Variants in PTBP3 observed in about 807,000 individuals in gnomAD.
The protein encoded by PTBP3 is polypyrimidine tract-binding protein 3.
A neutral mutation model predicts 58.7 loss-of-function variants in PTBP3; 20 were observed. That is an observed-to-expected ratio of 0.34 (90% CI 0.24 to 0.50). The LOEUF (loss-of-function observed/expected upper bound fraction) is 0.50, where lower values mean the gene tolerates loss of function less well. PTBP3 is among the 20% of genes least tolerant of loss of function. The pLI is 0.98. For missense variants in PTBP3, 509 were observed against 637.2 expected, an observed-to-expected ratio of 0.80 and a Z score of 2.17; for synonymous variants, 185 against 219.8, an observed-to-expected ratio of 0.84 and a Z score of 1.40.
rs377489588 is a variant in PTBP3, at chr9:112,221,713, T to C, written c.*2138A>G. 2 of 985,084 alleles carry C rather than the reference T, an allele frequency of 2.0e-6. No homozygotes were observed. The highest frequency in any genetic ancestry group is 1.7e-5 in the African/African-American group (1 of 57,236). The allele number at this position is 985,084 out of a possible 1,614,324, so 61.0% of individuals were successfully genotyped here. A position where few individuals can be genotyped will look rare whatever the true frequency, so the allele number is the denominator to read the frequency against. Reference sequence around the variant, plus strand: ...TATCTATTCAGCCAAACTGATCCATTTGAAAAGTCTTAACTTAGTATCCCT... The same window carrying C: ...TATCTATTCAGCCAAACTGATCCATCTGAAAAGTCTTAACTTAGTATCCCT... On this transcript the variant is annotated 3_prime_UTR_variant, in exon 14 of 14. Coordinates refer to ENST00000374257, the MANE Select transcript of PTBP3 (RefSeq NM_001163788.4).
Position 112,220,590 on chromosome 9 carries a change from T to C in PTBP3, c.*3261A>G. Reference sequence around the variant, plus strand: ...CAGAAACATTACTTCAAATAATTGATTTCAATATTTAGTCTTAAAGAATTT... The same window carrying C: ...CAGAAACATTACTTCAAATAATTGACTTCAATATTTAGTCTTAAAGAATTT... On this transcript the variant is annotated 3_prime_UTR_variant, in exon 14 of 14. Coordinates refer to ENST00000374257, the MANE Select transcript of PTBP3 (RefSeq NM_001163788.4). 3 of 1,003,332 alleles carry C rather than the reference T, an allele frequency of 3.0e-6. No homozygotes were observed. Among genetic ancestry groups the C allele is most frequent in the Non-Finnish European group, 3.6e-6 (3 of 840,380 alleles). 62.2% of individuals were successfully genotyped at this position (1,003,332 alleles called of 1,614,324 possible).
At chr9:112,331,693 G>A (rs1203417421) in intron 1 of PTBP3, among the ~76,000 whole-genome samples, 1 of 152,168 alleles carries the variant, frequency 6.6e-6, no homozygotes, top group African/African-American at 2.4e-5. Flanking sequence ...ACTTCCAAAT[G>A]AACTTACCTT....
Position 112,287,681 on chromosome 9 carries a change from T to A in PTBP3, c.34+10151A>T, listed in dbSNP as rs62571998. ...CTGTGTGCTTCAGTTTCTTTTGCTA[T>A]CTTCAAATTCACTGATGTTTTCTTT... On this transcript the variant is annotated intron_variant, in intron 2 of 13. Transcript: ENST00000374257. Among the ~76,000 whole-genome samples the A allele has an allele frequency of 8.0e-3, 1,222 of 152,304 alleles. 7 individuals carry two copies. The highest frequency in any genetic ancestry group is 0.013 in the Non-Finnish European group (912 of 68,032).
intron 1 of PTBP3, 106 bp downstream of exon 1, chr9:112,333,364 C>A (rs1830464108): frequency 6.3e-6 from 8 of 1,277,450 alleles, no homozygotes; most frequent in Non-Finnish European, 7.1e-6. Context: ...CTCCTCCGGC[C>A]GCCGGCGCCG....
At chr9:112,300,376 T>C (rs976713824) in intron 1 of PTBP3, among the ~76,000 whole-genome samples, 1 of 152,240 alleles carries the variant, frequency 6.6e-6, no homozygotes, top group African/African-American at 2.4e-5. Flanking sequence ...ACTGAGTAAA[T>C]GTTTGTAAAT....
At chr9:112,333,996 G>C (rs528592310), upstream of PTBP3, among the ~76,000 whole-genome samples, 2 of 151,266 alleles carry the variant, frequency 1.3e-5, no homozygotes, top group Non-Finnish European at 3.0e-5. Context: ...TGCCAGGTTT[G>C]AATGCCTCCC....
At chr9:112,239,809 G>A (rs1345587327) in intron 7 of PTBP3, among the ~76,000 whole-genome samples, 6 of 84,740 alleles carry the variant, frequency 7.1e-5, no homozygotes, top group Non-Finnish European at 1.3e-4. Context: ...AGAAAAGGAA[G>A]GAAGGAAGGG....
chr9:112,251,910 C>T (rs1362668594), intron 6 of PTBP3, among the ~76,000 whole-genome samples: 1 of 151,998 alleles, frequency 6.6e-6, no homozygotes, highest in South Asian at 2.1e-4. Flanking sequence ...AGGCTATACT[C>T]CCAATTGAGT....
chr9:112,334,466 A>G (rs1830524716), upstream of PTBP3, among the ~76,000 whole-genome samples: 2 of 152,292 alleles, frequency 1.3e-5, no homozygotes, highest in East Asian at 1.9e-4. Flanking sequence ...TGGTCTGAGC[A>G]AAAAGTATAT....
chr9:112,311,615 T>G (rs1254350381), intron 1 of PTBP3, among the ~76,000 whole-genome samples: 3 of 151,948 alleles, frequency 2.0e-5, no homozygotes, highest in Non-Finnish European at 4.4e-5. Flanking sequence ...ATGCATGGAT[T>G]TTGGCCCCCC....
chr9:112,221,214 T>C lies in PTBP3; in HGVS notation c.*2637A>G, dbSNP rs1331901795. 4 of 984,960 alleles carry C rather than the reference T, an allele frequency of 4.1e-6. No homozygotes were observed. Among genetic ancestry groups the C allele is most frequent in the Non-Finnish European group, 4.8e-6 (4 of 829,228 alleles). 61.0% of individuals were successfully genotyped at this position (984,960 alleles called of 1,614,324 possible). On this transcript the variant is annotated 3_prime_UTR_variant, in exon 14 of 14. Coordinates refer to ENST00000374257, the MANE Select transcript of PTBP3 (RefSeq NM_001163788.4). ...TCAATAAATTAAAATGTATGTAATG[T>C]GCATATGTATATACAACTTTAGAAG... is the stretch of plus-strand genomic sequence containing the variant.
intron 4 of PTBP3, among the ~76,000 whole-genome samples, chr9:112,266,875 G>A (rs1466753207): frequency 1.3e-5 from 2 of 152,134 alleles, no homozygotes; most frequent in East Asian, 1.9e-4. Flanking sequence ...TGTATCCTAT[G>A]TACAACTTGT....
chr9:112,294,545 A>T (rs1351499936), intron 2 of PTBP3, among the ~76,000 whole-genome samples: 1 of 152,176 alleles, frequency 6.6e-6, no homozygotes, highest in Non-Finnish European at 1.5e-5. Context: ...AAAAATCCCA[A>T]CAGCAAACAT....
chr9:112,220,140 G>A lies in PTBP3; in HGVS notation c.*3711C>T, dbSNP rs1345049396. 1.3e-5 allele frequency: 17 copies of A among 1,299,638 alleles called. No homozygotes were observed. Among genetic ancestry groups the A allele is most frequent in the Non-Finnish European group, 1.7e-5 (17 of 994,276 alleles). 80.5% of individuals were successfully genotyped at this position (1,299,638 alleles called of 1,614,324 possible). A position where few individuals can be genotyped will look rare whatever the true frequency, so the allele number is the denominator to read the frequency against. On this transcript the variant is annotated 3_prime_UTR_variant, in exon 14 of 14. Transcript: ENST00000374257. ...TAGCAGTACACATTAGGTTTTCTAAGGGATAGGTGGGGAAAAACACATGTA... is the reference window on the plus strand; with the variant it reads ...TAGCAGTACACATTAGGTTTTCTAAAGGATAGGTGGGGAAAAACACATGTA...
chr9:112,359,840 C>CA, the PTBP3 span, among the ~76,000 whole-genome samples: 102,534 of 149,564 alleles, frequency 0.69, 35,437 homozygotes, highest in Middle Eastern at 0.78. Context: ...AACAAAACAC[C>CA]AAAAAAAAAA....
chr9:112,332,203 TTCAA>T (rs904316541), intron 1 of PTBP3, among the ~76,000 whole-genome samples: 4 of 152,206 alleles, frequency 2.6e-5, no homozygotes, highest in East Asian at 3.8e-4. Context: ...TTTTTGAAGC[TTCAA>T]TCAAATAAAA....
At chr9:112,234,767 G>A in intron 8 of PTBP3, 53 bp downstream of exon 8, 2 of 1,506,782 alleles carry the variant, frequency 1.3e-6, no homozygotes, top group Non-Finnish European at 1.8e-6. Context: ...TAAGTTCCTA[G>A]AAAATATACA....
intron 2 of PTBP3, among the ~76,000 whole-genome samples, chr9:112,283,146 T>C (rs1414583716): frequency 2.6e-5 from 4 of 152,214 alleles, no homozygotes; most frequent in African/African-American, 9.7e-5. Context: ...CAGCTCTTTA[T>C]AGCAGTGTGA....
chr9:112,258,351 G>A (rs1836458953), intron 5 of PTBP3, among the ~76,000 whole-genome samples: 1 of 152,184 alleles, frequency 6.6e-6, no homozygotes. Context: ...ACTCTGAGAT[G>A]ATGTCATCCA....
Sources: gnomAD v4.1 joint callset for allele counts (sites outside exome capture counted in the v4.1 genomes callset) on GRCh38, gnomAD v4.1.1 for gene constraint, MANE v1.5 for transcripts, NCBI Gene and HGNC (gene_info 2026-07-23, HGNC 2026-07-21) for gene names.